Variants in KAZN observed in about 807,000 individuals in gnomAD.
KAZN encodes kazrin, periplakin interacting protein, also known as kazrin.
Under a neutral mutation model 87.4 loss-of-function variants are expected in KAZN, and 40 were observed. The ratio of observed to expected loss-of-function variants is 0.46; its 90% confidence interval spans 0.36 to 0.60. KAZN has a LOEUF of 0.60. Among genes scored for constraint, KAZN ranks in the 20% least tolerant of loss-of-function variants. The pLI is 0.00. For missense variants in KAZN, 898 were observed against 1,073.9 expected (o/e 0.84, Z 2.29); for synonymous variants, 466 against 458.3 (o/e 1.02, Z -0.22).
chr1:14,278,185 A>G (rs1324354756), intron 2 of KAZN, among the ~76,000 whole-genome samples: 15 of 151,800 alleles, frequency 9.9e-5, no homozygotes, highest in Non-Finnish European at 1.9e-4. Context: ...AAAAAAAAAA[A>G]AAAAACAGAG....
intron 2 of KAZN, among the ~76,000 whole-genome samples, chr1:14,181,943 A>G (rs530039694): frequency 6.6e-6 from 1 of 152,250 alleles, no homozygotes; most frequent in Non-Finnish European, 1.5e-5. Flanking sequence ...AAGGTACTGA[A>G]AAAAGTGCAT....
chr1:14,599,562 G>A lies in KAZN; in HGVS notation c.226+339G>A, dbSNP rs1300811960. Among the ~76,000 whole-genome samples the A allele has an allele frequency of 6.6e-6, 1 of 152,142 alleles. No homozygotes were observed. Among genetic ancestry groups the A allele is most frequent in the African/African-American group, 2.4e-5 (1 of 41,442 alleles). The stretch of plus-strand genomic sequence containing the variant: ...CTCCGTGCAAACTTTTCATGCCGGG[G>A]CCTTTTCCCCACCCCCCGCAGGGGT... On this transcript the variant is annotated intron_variant, in intron 1 of 14. Transcript: ENST00000376030. This position sits in a 1 kb window ranked among gnomAD's most constrained non-coding sequence, Gnocchi z 4.4.
chr1:14,801,440 G>A (rs976569118), intron 1 of KAZN, among the ~76,000 whole-genome samples: 2 of 152,130 alleles, frequency 1.3e-5, no homozygotes, highest in African/African-American at 4.8e-5. Context: ...GAGAGTGGCT[G>A]GGTCCCTTCT....
intron 2 of KAZN, among the ~76,000 whole-genome samples, chr1:14,239,451 G>GGTTCTTT (rs1337342923): frequency 4.5e-5 from 5 of 110,638 alleles, no homozygotes; most frequent in Non-Finnish European, 9.5e-5. Context: ...CATAAGTTGG[G>GGTTCTTT]TTTCTTTTTT....
At position 15,101,757 on chromosome 1, in the gene KAZN, G is replaced by A. The variant is rs1393806383; in HGVS notation, c.1762G>A (p.Val588Met). 8 of 1,579,532 alleles carry A rather than the reference G, an allele frequency of 5.1e-6. 1 individual carries two copies. Among genetic ancestry groups the A allele is most frequent in the Non-Finnish European group, 6.9e-6 (8 of 1,162,310 alleles). ...ILLGIELLYQ[V>M]NFSREALQER... ...GCTGGGGATCGAGCTGCTGTACCAA[G>A]TGAACTTCAGCAGGGAGGTGAGGAC... Residue 588 changes from valine to methionine, a missense_variant, in exon 11 of 15, where the codon GTG becomes ATG. By Grantham distance (21) the Val-to-Met change is conservative (BLOSUM62 1). Coordinates refer to ENST00000376030, the MANE Select transcript of KAZN (RefSeq NM_201628.3).
At chr1:14,734,919 A>G (rs1212786728) in intron 1 of KAZN, among the ~76,000 whole-genome samples, 3 of 152,172 alleles carry the variant, frequency 2.0e-5, no homozygotes, top group South Asian at 2.1e-4. Context: ...ATGCCTCCCC[A>G]TAGTCCCGTT....
chr1:14,451,472 C>A (rs2148331873), intron 2 of KAZN, among the ~76,000 whole-genome samples: 1 of 152,202 alleles, frequency 6.6e-6, no homozygotes, highest in East Asian at 1.9e-4. Flanking sequence ...TCTGGAAGGT[C>A]TCAGGCCCAC....
chr1:14,992,153 C>T (rs987068077), intron 2 of KAZN, among the ~76,000 whole-genome samples: 4 of 152,134 alleles, frequency 2.6e-5, no homozygotes, highest in Non-Finnish European at 4.4e-5. Context: ...AGCAGAAGGC[C>T]GAGCACGTAG....
Position 15,060,173 on chromosome 1 carries a change from G to A in KAZN, c.918G>A (p.Ala306=), listed in dbSNP as rs779478439. The change falls in exon 6 of 15, where the codon GCG becomes GCA. Residue 306 remains alanine, a splice_region_variant and synonymous_variant. Transcript: ENST00000376030. Reference sequence around the variant, plus strand: ...TCACCAGCTGTCCCTGCTTTCCAGCGGTCAGGGTGAGCCCCTGCCACTCCC... The same window carrying A: ...TCACCAGCTGTCCCTGCTTTCCAGCAGTCAGGGTGAGCCCCTGCCACTCCC... ...SHPPHPADRQ[A]VRVSPCHSRQ... is the part of the protein sequence containing the mutation. 11 of 1,614,104 alleles carry A rather than the reference G, an allele frequency of 6.8e-6. No individual in the cohort carries two copies. The highest frequency in any genetic ancestry group is 3.3e-5 in the Admixed American group (2 of 60,014).
At chr1:14,115,342 C>T (rs1304471413) in intron 1 of KAZN, among the ~76,000 whole-genome samples, 1 of 152,214 alleles carries the variant, frequency 6.6e-6, no homozygotes, top group Non-Finnish European at 1.5e-5. Flanking sequence ...CAAATCTCAT[C>T]TTGAATTCCC....
intron 2 of KAZN, among the ~76,000 whole-genome samples, chr1:14,270,043 A>G (rs1009350145): frequency 2.0e-5 from 3 of 152,158 alleles, no homozygotes; most frequent in African/African-American, 7.2e-5. Context: ...CAAGCCATTC[A>G]TGAGAGATGC....
In KAZN at chr1:14,599,518, C is replaced by T. The variant is rs1325776486; in HGVS notation, c.226+295C>T. Among the ~76,000 whole-genome samples, 5 of 152,138 alleles carry T rather than the reference C, an allele frequency of 3.3e-5. No homozygotes were observed. Among genetic ancestry groups the T allele is most frequent in the African/African-American group, 1.2e-4 (5 of 41,452 alleles). On this transcript the variant is annotated intron_variant, in intron 1 of 14. Transcript: ENST00000376030. The surrounding 1 kb of genome is among the most constrained non-coding windows in gnomAD (Gnocchi z 4.4). ...TTCCGGCATCAGAAAGTGCCCTTTC[C>T]GTGGCACCAGCCCCCTAGCTCCGTG...
At chr1:13,950,050 C>A (rs934073688) in intron 1 of KAZN, among the ~76,000 whole-genome samples, 2 of 152,214 alleles carry the variant, frequency 1.3e-5, no homozygotes, top group South Asian at 4.1e-4. Context: ...CTCTGCAGCC[C>A]CCTCTTCCAA....
At chr1:15,005,263 A>G (rs1013133014) in intron 2 of KAZN, among the ~76,000 whole-genome samples, 1 of 152,190 alleles carries the variant, frequency 6.6e-6, no homozygotes, top group Non-Finnish European at 1.5e-5. Context: ...TTTGCTGGGC[A>G]TGGACCCAGC....
chr1:14,323,674 T>C (rs1226764716), intron 2 of KAZN, among the ~76,000 whole-genome samples: 3 of 152,150 alleles, frequency 2.0e-5, no homozygotes, highest in Non-Finnish European at 4.4e-5. Context: ...ACCAATCAAG[T>C]GTTAGTGGGA....
intron 2 of KAZN, among the ~76,000 whole-genome samples, chr1:14,580,232 T>G (rs1675456435): frequency 6.6e-6 from 1 of 152,174 alleles, no homozygotes; most frequent in South Asian, 2.1e-4. Context: ...TCGCAGCACT[T>G]TGGGAGGCCA....
chr1:13,966,232 T>G (rs752318212), intron 1 of KAZN, among the ~76,000 whole-genome samples: 1 of 151,552 alleles, frequency 6.6e-6, no homozygotes, highest in Non-Finnish European at 1.5e-5. Flanking sequence ...CACACCTGAG[T>G]GAGAGGCTGC....
intron 2 of KAZN, among the ~76,000 whole-genome samples, chr1:15,000,730 G>A (rs1668377891): frequency 6.6e-6 from 1 of 151,956 alleles, no homozygotes; most frequent in Non-Finnish European, 1.5e-5. Flanking sequence ...TTGTTTCTCT[G>A]CTGAAAAAGG....
In KAZN at chr1:15,020,296, A is replaced by G. The variant is rs1481716002; in HGVS notation, c.419-14453A>G. ...AAGCTTTTAATTAAAGGATCACATA[A>G]TACTCACATAATACATGAATCTCAA... On this transcript the variant is annotated intron_variant, in intron 2 of 14. Transcript: ENST00000376030. 2.6e-5 allele frequency among the ~76,000 whole-genome samples: 4 copies of G among 152,170 alleles called. No homozygotes were observed. The South Asian group carries it at 6.2e-4, about 24-fold the overall frequency.
Sources: gnomAD v4.1 joint callset for allele counts (sites outside exome capture counted in the v4.1 genomes callset) on GRCh38, gnomAD v4.1.1 for gene constraint, Gnocchi (gnomAD v3.1) non-coding constraint, MANE v1.5 for transcripts, NCBI Gene and HGNC (gene_info 2026-07-23, HGNC 2026-07-21) for gene names.